Variants in IL18RAP observed in about 807,000 individuals in gnomAD.
IL18RAP encodes the protein interleukin-18 receptor accessory protein.
IL18RAP carries 37 observed loss-of-function variants against 58.1 expected under a neutral mutation model. That is an observed-to-expected ratio of 0.64 (90% CI 0.49 to 0.84). The LOEUF is 0.84. Ranked by LOEUF, IL18RAP falls within the 40% of genes least tolerant of loss-of-function variation. The pLI is 0.00. For missense variants in IL18RAP, 667 were observed against 704.8 expected (o/e 0.95, Z 0.61); for synonymous variants, 268 against 257.5 (o/e 1.04, Z -0.39).
intron 3 of IL18RAP, 38 bp downstream of exon 3, chr2:102,424,452 GT>G (rs758375788): frequency 3.2e-6 from 5 of 1,540,090 alleles, no homozygotes; most frequent in South Asian, 1.1e-5. Context: ...TAAGAGCATT[GT>G]TTTTATGGTA....
intron 3 of IL18RAP, among the ~76,000 whole-genome samples, chr2:102,432,996 C>A (rs188117141): frequency 6.6e-6 from 1 of 152,058 alleles, no homozygotes; most frequent in African/African-American, 2.4e-5. Context: ...ATCCTTGACA[C>A]AAGTCAAAAT....
At chr2:102,423,730 A>T in intron 1 of IL18RAP, 81 bp from the exon 2 acceptor site, 1 of 976,220 alleles carries the variant, frequency 1.0e-6, no homozygotes, top group Non-Finnish European at 1.5e-6. Flanking sequence ...TCTCTTGTTA[A>T]ATCAAGTACT....
chr2:102,422,793 A>G (rs1023669064), upstream of IL18RAP, among the ~76,000 whole-genome samples: 1 of 152,204 alleles, frequency 6.6e-6, no homozygotes, highest in Non-Finnish European at 1.5e-5. Flanking sequence ...AATAGGAGCT[A>G]TATCTCTAGC....
chr2:102,441,290 A>C (rs764145116), intron 4 of IL18RAP, 22 bp from the exon 5 acceptor site: 1 of 1,601,604 alleles, frequency 6.2e-7, no homozygotes, highest in South Asian at 1.1e-5. Context: ...TGCAAATAGT[A>C]ATCTTTGTTT....
At chr2:102,422,131 C>T (rs990682210), upstream of IL18RAP, among the ~76,000 whole-genome samples, 3 of 152,294 alleles carry the variant, frequency 2.0e-5, no homozygotes, top group East Asian at 1.9e-4. Context: ...TGAAGCTCTC[C>T]GTTATCTCAC....
At chr2:102,420,131 A>G (rs1172351731), upstream of IL18RAP, among the ~76,000 whole-genome samples, 1 of 152,194 alleles carries the variant, frequency 6.6e-6, no homozygotes, top group Non-Finnish European at 1.5e-5. Flanking sequence ...GTTGTCCCAC[A>G]TAAATGAGAC....
intron 3 of IL18RAP, among the ~76,000 whole-genome samples, chr2:102,428,732 C>T (rs143174937): frequency 1.1e-4 from 17 of 151,968 alleles, no homozygotes; most frequent in African/African-American, 3.6e-4. Context: ...CTAGGACTTC[C>T]AGTGCTATGA....
In IL18RAP at chr2:102,443,195, T is replaced by C. The variant is rs1683209811; in HGVS notation, c.797-5T>C. ...TCTTGTTTTCTCTGGCCTCTTCATT[T>C]TCAGGAAAGCCTTTAACTATTAGCT... On this transcript the variant is annotated splice_polypyrimidine_tract_variant and splice_region_variant and intron_variant, in intron 5 of 9. Coordinates refer to ENST00000687160, the MANE Select transcript of IL18RAP (RefSeq NM_001393487.1). The C allele has an allele frequency of 6.2e-7, 1 of 1,607,374 alleles. No individual in the cohort carries two copies. Among genetic ancestry groups the C allele is most frequent in the Non-Finnish European group, 8.5e-7 (1 of 1,178,048 alleles).
intron 3 of IL18RAP, among the ~76,000 whole-genome samples, chr2:102,431,896 C>A (rs1218714082): frequency 6.6e-6 from 1 of 151,758 alleles, no homozygotes; most frequent in East Asian, 1.9e-4. Context: ...GAGGATTATT[C>A]TGAAGTTTTG....
At chr2:102,445,618 A>G (rs1683366548) in intron 7 of IL18RAP, among the ~76,000 whole-genome samples, 1 of 152,202 alleles carries the variant, frequency 6.6e-6, no homozygotes, top group South Asian at 2.1e-4. Context: ...TCATTCATTC[A>G]CGCATTCATT....
chr2:102,423,194 C>G lies in IL18RAP; in HGVS notation c.-84C>G, dbSNP rs1681685473. ...GATTTACAGAAATGAAGGGGATACT[C>G]AGGGCAGAGTTCTGAATCTCAAAAC... On this transcript the variant is annotated 5_prime_UTR_variant, in exon 1 of 10. Coordinates refer to ENST00000687160, the MANE Select transcript of IL18RAP (RefSeq NM_001393487.1). 7 of 1,228,852 alleles carry G rather than the reference C, an allele frequency of 5.7e-6. No homozygotes were observed. Among genetic ancestry groups the G allele is most frequent in the Non-Finnish European group, 8.4e-6 (7 of 831,678 alleles). The allele number at this position is 1,228,852 out of a possible 1,614,324, so 76.1% of individuals were successfully genotyped here. A position where few individuals can be genotyped will look rare whatever the true frequency, so the allele number is the denominator to read the frequency against.
At chr2:102,421,586 G>A (rs577687257), upstream of IL18RAP, among the ~76,000 whole-genome samples, 1 of 152,316 alleles carries the variant, frequency 6.6e-6, no homozygotes, top group African/African-American at 2.4e-5. Context: ...TTGTTCCTTG[G>A]TTGCAGTCCT....
At chr2:102,437,538 G>A (rs1158616275) in intron 4 of IL18RAP, among the ~76,000 whole-genome samples, 176 bp downstream of exon 4, 1 of 152,204 alleles carries the variant, frequency 6.6e-6, no homozygotes. Flanking sequence ...GGAAGGCTAA[G>A]TTCTGAAACA....
At chr2:102,426,564 A>T (rs1208587782) in intron 3 of IL18RAP, among the ~76,000 whole-genome samples, 1 of 152,146 alleles carries the variant, frequency 6.6e-6, no homozygotes, top group Non-Finnish European at 1.5e-5. Context: ...AGAACTCACA[A>T]TGGGGAAAGG....
In IL18RAP at chr2:102,450,917, C is replaced by T. The variant is rs568540443; in HGVS notation, c.1280C>T (p.Ser427Phe). Reference sequence around the variant, plus strand: ...TCTTTTCCAAGTGAGGCCACTTCATCTCTGAGTGAAGAACACTTGGCCCTG... The same window carrying T: ...TCTTTTCCAAGTGAGGCCACTTCATTTCTGAGTGAAGAACACTTGGCCCTG... ...WSSFPSEATS[S>F]LSEEHLALSL... The change falls in exon 9 of 10, where the codon TCT becomes TTT. Residue 427 changes from serine to phenylalanine, a missense_variant. Ser to Phe is a radical substitution (Grantham distance 155). Coordinates refer to ENST00000687160, the MANE Select transcript of IL18RAP (RefSeq NM_001393487.1). The T allele has an allele frequency of 5.0e-6, 8 of 1,612,770 alleles. No individual in the cohort carries two copies. The South Asian group carries it at 7.7e-5, about 16-fold the overall frequency.
chr2:102,440,136 A>G (rs1191886366), intron 4 of IL18RAP: 1 of 152,328 alleles, frequency 6.6e-6, no homozygotes, highest in Admixed American at 6.5e-5. Context: ...GAAGAGGCCT[A>G]GAGAGTAAAC....
chr2:102,441,156 A>T (rs193135862), intron 4 of IL18RAP, among the ~76,000 whole-genome samples, 156 bp from the exon 5 acceptor site: 1 of 152,234 alleles, frequency 6.6e-6, no homozygotes, highest in Non-Finnish European at 1.5e-5. Flanking sequence ...AGCTTTTTAC[A>T]TGGAAACCGG....
Position 102,424,408 on chromosome 2 carries a change from G to C in IL18RAP, c.573G>C (p.Trp191Cys). The C allele has an allele frequency of 6.2e-7, 1 of 1,613,426 alleles. No individual in the cohort carries two copies. The highest frequency in any genetic ancestry group is 1.3e-5 in the African/African-American group (1 of 74,994). The change falls in exon 3 of 10, where the codon TGG becomes TGC. Residue 191 changes from tryptophan (W) to cysteine (C), a missense_variant. Transcript: ENST00000687160. ...ATGCACAAAGTCCAGCGGTAACCTG[G>C]TACAAGGTAAGAGTGAATTCTCTAA... ...QSDAQSPAVT[W>C]YKNGKLLSVE...
intron 3 of IL18RAP, among the ~76,000 whole-genome samples, chr2:102,436,168 A>G (rs1377138901): frequency 1.3e-5 from 2 of 152,044 alleles, no homozygotes; most frequent in East Asian, 3.8e-4. Flanking sequence ...TTTATGGGTA[A>G]AAAAGATACA....
Sources: allele counts gnomAD v4.1 joint callset (sites outside exome capture counted in the v4.1 genomes callset), GRCh38; gene constraint gnomAD v4.1.1; transcripts MANE v1.5; gene names NCBI Gene and HGNC (gene_info 2026-07-23, HGNC 2026-07-21).